DPYSL2: variants seen among roughly 807,000 people sequenced by gnomAD.
DPYSL2 encodes the protein dihydropyrimidinase-related protein 2.
A neutral mutation model predicts 69.9 loss-of-function variants in DPYSL2; 13 were observed. The ratio of observed to expected loss-of-function variants is 0.19; its 90% confidence interval spans 0.12 to 0.30. The LOEUF is 0.30. Among genes scored for constraint, DPYSL2 ranks in the 10% least tolerant of loss-of-function variants. The pLI is 1.00. For synonymous variants in DPYSL2, 326 were observed against 359.1 expected (o/e 0.91, Z 1.04); for missense variants, 587 against 918.9 (o/e 0.64, Z 4.67).
rs375489676 is a variant in DPYSL2 at position 26,643,959 on chromosome 8, C to G, written c.1293C>G (p.Leu431=). Residue 431 remains leucine, a synonymous_variant, in exon 10 of 14, where the codon CTC becomes CTG. Transcript: ENST00000521913. This position sits in a 1 kb window ranked among gnomAD's most constrained non-coding sequence, Gnocchi z 6.5. ...FLNSLLSCGD[L]QVTGSAHCTF... is the part of the protein sequence containing the mutation. Reference sequence around the variant, plus strand: ...TGCATTTTCTTTGCAGTGGAGACCTCCAGGTCACGGGCAGTGCCCATTGCA... The same window carrying G: ...TGCATTTTCTTTGCAGTGGAGACCTGCAGGTCACGGGCAGTGCCCATTGCA... The G allele has an allele frequency of 3.7e-6, 6 of 1,614,048 alleles. No individual in the cohort carries two copies. Among genetic ancestry groups the G allele is most frequent in the Non-Finnish European group, 5.1e-6 (6 of 1,179,964 alleles).
chr8:26,608,032 A>G (rs191812846), intron 3 of DPYSL2, among the ~76,000 whole-genome samples: 182 of 149,788 alleles, frequency 1.2e-3, no homozygotes, highest in African/African-American at 3.9e-3. Flanking sequence ...AGCCTAGATC[A>G]CGCCACTGCA....
In DPYSL2 at chr8:26,586,966, TACTA is replaced by T. The variant is rs1159639964; in HGVS notation, c.628+2988_628+2991del. Among the ~76,000 whole-genome samples the T allele has an allele frequency of 6.6e-6, 1 of 152,208 alleles. No homozygotes were observed. The highest frequency in any genetic ancestry group is 1.9e-4 in the East Asian group (1 of 5,194). On this transcript the variant is annotated intron_variant, in intron 3 of 13. Transcript: ENST00000521913. This position sits in a 1 kb window ranked among gnomAD's most constrained non-coding sequence, Gnocchi z 4.7. The stretch of plus-strand genomic sequence containing the variant: ...CATTGCTTTTATAGCCTGAGAAAAG[TACTA>T]ACTACTTTTGCAAATAACCACCTAT...
intron 3 of DPYSL2, among the ~76,000 whole-genome samples, chr8:26,618,682 G>A (rs1802413880): frequency 1.4e-5 from 2 of 145,418 alleles, no homozygotes; most frequent in South Asian, 2.3e-4. Flanking sequence ...GCTCATGCCT[G>A]TAATCCCAGC....
chr8:26,514,596 G>C lies in DPYSL2; in HGVS notation c.271G>C (p.Gly91Arg), dbSNP rs1808242320. The C allele has an allele frequency of 1.3e-6, 2 of 1,509,746 alleles. No individual in the cohort carries two copies. Among genetic ancestry groups the C allele is most frequent in the Non-Finnish European group, 1.8e-6 (2 of 1,135,816 alleles). The allele number at this position is 1,509,746 out of a possible 1,614,324, so 93.5% of individuals were successfully genotyped here. A position where few individuals can be genotyped will look rare whatever the true frequency, so the allele number is the denominator to read the frequency against. ...CTCGCGGCAGGGCCGGCGCGCCGGC[G>C]GAGAGCCATCTGTTGAATCGGGCCG... is the stretch of plus-strand genomic sequence containing the variant. Reference protein sequence around the residue: ...PYSRQGRRAGGEPSVESGRKV... With the variant: ...PYSRQGRRAGREPSVESGRKV... Residue 91 changes from glycine to arginine, a missense_variant, in exon 1 of 14, where the codon GGA (glycine) becomes CGA (arginine). Coordinates refer to ENST00000521913, the MANE Select transcript of DPYSL2 (RefSeq NM_001197293.3). The surrounding 1 kb of genome is among the most constrained non-coding windows in gnomAD (Gnocchi z 8.4).
chr8:26,653,429 T>C lies in DPYSL2; in HGVS notation c.1942+32T>C. The C allele has an allele frequency of 6.3e-7, 1 of 1,588,562 alleles. No homozygotes were observed. Among genetic ancestry groups the C allele is most frequent in the Non-Finnish European group, 8.6e-7 (1 of 1,166,136 alleles). On this transcript the variant is annotated intron_variant, in intron 13 of 13. Transcript: ENST00000521913. This position sits in a 1 kb window ranked among gnomAD's most constrained non-coding sequence, Gnocchi z 5.7. The stretch of plus-strand genomic sequence containing the variant: ...TTGGGGCTTGGGGAGGGCACAGTTC[T>C]GCAGGGCCAGCTCGCTGGTGCTGGC...
chr8:26,616,994 TA>T (rs1227708109), intron 3 of DPYSL2, among the ~76,000 whole-genome samples: 1 of 152,200 alleles, frequency 6.6e-6, no homozygotes. Flanking sequence ...CAGACTGTGG[TA>T]CCTGCTCAAC....
intron 1 of DPYSL2, among the ~76,000 whole-genome samples, chr8:26,540,117 A>T (rs184819372): frequency 2.6e-5 from 4 of 152,192 alleles, no homozygotes; most frequent in African/African-American, 9.6e-5. Flanking sequence ...AGACAACCCA[A>T]TTAAATCAGG....
intron 1 of DPYSL2, among the ~76,000 whole-genome samples, chr8:26,576,361 C>A (rs1418643081): frequency 6.6e-6 from 1 of 152,124 alleles, no homozygotes; most frequent in Non-Finnish European, 1.5e-5. Context: ...ATTACATACT[C>A]TTTCTTCCCC....
chr8:26,569,532 T>C (rs1308582380), intron 1 of DPYSL2, among the ~76,000 whole-genome samples: 4 of 152,166 alleles, frequency 2.6e-5, no homozygotes, highest in Non-Finnish European at 5.9e-5. Flanking sequence ...CATTTGTCAT[T>C]TAACTCTTGT....
At position 26,627,922 on chromosome 8, in the gene DPYSL2, G is replaced by A. The variant is rs770092567; in HGVS notation, c.987G>A (p.Val329=). ...GCATCACGGGCCCCGAGGGACATGT[G>A]CTGAGCCGACCTGAGGAGGTGAATG... is the stretch of plus-strand genomic sequence containing the variant. ...DLGITGPEGH[V]LSRPEEVEAE... is the part of the protein sequence containing the mutation. Residue 329 remains valine, a synonymous_variant, in exon 7 of 14, where the codon GTG becomes GTA. Transcript: ENST00000521913. The surrounding 1 kb of genome is among the most constrained non-coding windows in gnomAD (Gnocchi z 6.9). 3 of 1,613,772 alleles carry A rather than the reference G, an allele frequency of 1.9e-6. No homozygotes were observed. Among genetic ancestry groups the A allele is most frequent in the African/African-American group, 1.3e-5 (1 of 74,936 alleles).
chr8:26,602,412 G>A (rs148329387), intron 3 of DPYSL2, among the ~76,000 whole-genome samples: 413 of 152,146 alleles, frequency 2.7e-3, no homozygotes, highest in Non-Finnish European at 5.0e-3. Flanking sequence ...CTTGCTTTTG[G>A]ATGTTTTGGA....
rs1802179319 is a variant in DPYSL2, at chr8:26,609,419, G to C, written c.629-14724G>C. ...GCTGCAAGTCCTTAAGTTATAGTTG[G>C]ATTCCCTTCCCAGCAAGGAACCAAC... On this transcript the variant is annotated intron_variant, in intron 3 of 13. Coordinates refer to ENST00000521913, the MANE Select transcript of DPYSL2 (RefSeq NM_001197293.3). This position sits in a 1 kb window ranked among gnomAD's most constrained non-coding sequence, Gnocchi z 6.5. Among the ~76,000 whole-genome samples, 3 of 152,172 alleles carry C rather than the reference G, an allele frequency of 2.0e-5. No individual in the cohort carries two copies. The South Asian group carries it at 6.2e-4, about 32-fold the overall frequency.
intron 1 of DPYSL2, among the ~76,000 whole-genome samples, chr8:26,575,229 A>ATCT (rs1484817149): frequency 6.6e-6 from 1 of 152,110 alleles, no homozygotes; most frequent in Non-Finnish European, 1.5e-5. Flanking sequence ...GGCTCAACTG[A>ATCT]TCTGCCTGCC....
intron 1 of DPYSL2, among the ~76,000 whole-genome samples, chr8:26,547,302 G>C (rs1333727125): frequency 6.6e-6 from 1 of 151,926 alleles, no homozygotes; most frequent in Non-Finnish European, 1.5e-5. Context: ...GGTGGAGGTT[G>C]CAGTGAGCCA....
rs561570426 is a variant in DPYSL2, at chr8:26,523,683, C to T, written c.354+9004C>T. Among the ~76,000 whole-genome samples the T allele has an allele frequency of 4.6e-5, 7 of 151,950 alleles. No homozygotes were observed. The South Asian group carries it at 1.5e-3, about 31-fold the overall frequency. On this transcript the variant is annotated intron_variant, in intron 1 of 13. Transcript: ENST00000521913. ...TTTTTTTCTTTTTTTCCTTAAGAGACAGGGTCTTGCTCTGTCACCCAGGCA... is the reference window on the plus strand; with the variant it reads ...TTTTTTTCTTTTTTTCCTTAAGAGATAGGGTCTTGCTCTGTCACCCAGGCA...
In DPYSL2 at chr8:26,597,775, CTTT is replaced by C. The variant is rs374599797; in HGVS notation, c.628+13810_628+13812del. Among the ~76,000 whole-genome samples the C allele has an allele frequency of 1.7e-4, 21 of 127,114 alleles. No homozygotes were observed. The highest frequency in any genetic ancestry group is 2.4e-4 in the Admixed American group (3 of 12,516). The allele number at this position is 127,114 out of a possible 152,430, so 83.4% of individuals were successfully genotyped here. A position where few individuals can be genotyped will look rare whatever the true frequency, so the allele number is the denominator to read the frequency against. On this transcript the variant is annotated intron_variant, in intron 3 of 13. Coordinates refer to ENST00000521913, the MANE Select transcript of DPYSL2 (RefSeq NM_001197293.3). The surrounding 1 kb of genome is among the most constrained non-coding windows in gnomAD (Gnocchi z 5.2). ...AGGCAAGAGCCACCGCACCTGGCCT[CTTT>C]TTTTTTTTTTTTTTTTTGAGGGGCA... is the stretch of plus-strand genomic sequence containing the variant.
At chr8:26,572,043 T>C (rs912255901) in intron 1 of DPYSL2, among the ~76,000 whole-genome samples, 6 of 152,238 alleles carry the variant, frequency 3.9e-5, no homozygotes, top group Non-Finnish European at 8.8e-5. Context: ...GCAGGCTGTG[T>C]TAGAGGCCAC....
In DPYSL2 at chr8:26,626,443, T is replaced by C. The variant is rs1360702948; in HGVS notation, c.794-174T>C. Among the ~76,000 whole-genome samples, 1 of 151,958 alleles carries C rather than the reference T, an allele frequency of 6.6e-6. No individual in the cohort carries two copies. Among genetic ancestry groups the C allele is most frequent in the Non-Finnish European group, 1.5e-5 (1 of 68,022 alleles). On this transcript the variant is annotated intron_variant, in intron 4 of 13. Transcript: ENST00000521913. This position sits in a 1 kb window ranked among gnomAD's most constrained non-coding sequence, Gnocchi z 4.3. ...TGGTACTCTGCTTCCTTTACCATTCTGTGTCTCCATTTCTCTCCTCTCTCT... is the reference window on the plus strand; with the variant it reads ...TGGTACTCTGCTTCCTTTACCATTCCGTGTCTCCATTTCTCTCCTCTCTCT...
chr8:26,652,138 A>C lies in DPYSL2; in HGVS notation c.1597-119A>C. The stretch of plus-strand genomic sequence containing the variant: ...GCCTGCTGGGGTGCCCAGTTGGGAC[A>C]GGATCCCTGTCTCTGAGTCTCTCTT... On this transcript the variant is annotated intron_variant, in intron 11 of 13. Coordinates refer to ENST00000521913, the MANE Select transcript of DPYSL2 (RefSeq NM_001197293.3). This position sits in a 1 kb window ranked among gnomAD's most constrained non-coding sequence, Gnocchi z 6.3. 1.0e-6 allele frequency: 1 copy of C among 952,436 alleles called. No individual in the cohort carries two copies. The highest frequency in any genetic ancestry group is 1.5e-6 in the Non-Finnish European group (1 of 676,974). The allele number at this position is 952,436 out of a possible 1,614,324, so 59.0% of individuals were successfully genotyped here.
Sources: allele counts gnomAD v4.1 joint callset (sites outside exome capture counted in the v4.1 genomes callset), GRCh38; gene constraint gnomAD v4.1.1; non-coding constraint Gnocchi (gnomAD v3.1); transcripts MANE v1.5; gene names NCBI Gene and HGNC (gene_info 2026-07-23, HGNC 2026-07-21).